Variants in PLN observed in about 807,000 individuals in gnomAD.
The protein encoded by PLN is cardiac phospholamban.
Under a neutral mutation model 3.9 loss-of-function variants are expected in PLN, and 1 was observed. That is an observed-to-expected ratio of 0.26 (90% CI 0.09 to 1.23). The LOEUF is 1.23. PLN is among the 50% of genes most tolerant of loss of function. The probability of loss-of-function intolerance (pLI) is 0.48; values close to 1 mark genes in which losing one functional copy is unlikely to be tolerated. For missense variants in PLN, 59 were observed against 62.7 expected (o/e 0.94, Z 0.20); for synonymous variants, 21 against 20.5 (o/e 1.02, Z -0.07).
Position 118,558,947 on chromosome 6 carries a change from G to A in PLN, c.26G>A (p.Arg9His), listed in dbSNP as rs754782171. ...ATGGAGAAAGTCCAATACCTCACTC[G>A]CTCAGCTATAAGAAGAGCCTCAACC... MEKVQYLT[R>H]SAIRRASTIE... Residue 9 changes from arginine to histidine, a missense_variant, in exon 2 of 2, where the codon CGC (arginine) becomes CAC (histidine). By Grantham distance (29) the Arg-to-His change is conservative. Coordinates refer to ENST00000357525, the MANE Select transcript of PLN (RefSeq NM_002667.5). The A allele has an allele frequency of 7.4e-6, 12 of 1,613,690 alleles. No individual in the cohort carries two copies. The highest frequency in any genetic ancestry group is 1.7e-5 in the Admixed American group (1 of 60,012).
Position 118,559,308 on chromosome 6 carries a change from G to C in PLN, c.*228G>C. Reference sequence around the variant, plus strand: ...TTTTCAAAAATTAACTTCAAAATAAGTGTATAAAATGCAACTGTTGATTTC... The same window carrying C: ...TTTTCAAAAATTAACTTCAAAATAACTGTATAAAATGCAACTGTTGATTTC... On this transcript the variant is annotated 3_prime_UTR_variant, in exon 2 of 2. Transcript: ENST00000357525. 2 of 528,108 alleles carry C rather than the reference G, an allele frequency of 3.8e-6. No individual in the cohort carries two copies. The highest frequency in any genetic ancestry group is 4.2e-5 in the South Asian group (2 of 47,698). 32.7% of individuals were successfully genotyped at this position (528,108 alleles called of 1,614,324 possible).
intron 1 of PLN, among the ~76,000 whole-genome samples, chr6:118,553,673 AAC>A (rs1356286290): frequency 6.6e-6 from 1 of 152,214 alleles, no homozygotes; most frequent in African/African-American, 2.4e-5. Flanking sequence ...TGTTTCCAGA[AAC>A]AAACTCTTCT....
chr6:118,558,969 A>C lies in PLN; in HGVS notation c.48A>C (p.Ser16=). 6.2e-7 allele frequency: 1 copy of C among 1,613,334 alleles called. No individual in the cohort carries two copies. The change falls in exon 2 of 2, where the codon TCA becomes TCC. Residue 16 remains serine, a synonymous_variant. Transcript: ENST00000357525. ...CTCGCTCAGCTATAAGAAGAGCCTC[A>C]ACCATTGAAATGCCTCAACAAGCAC... ...YLTRSAIRRA[S]TIEMPQQARQ... is the part of the protein sequence containing the mutation.
At position 118,560,639 on chromosome 6, in the gene PLN, A is replaced by G. The variant is rs1365887249; in HGVS notation, c.*1559A>G. Reference sequence around the variant, plus strand: ...GCTATTTTTCTTCCTCTATCAACCAAATGGTAAGCATCTATTTTGCAGTCC... The same window carrying G: ...GCTATTTTTCTTCCTCTATCAACCAGATGGTAAGCATCTATTTTGCAGTCC... On this transcript the variant is annotated 3_prime_UTR_variant, in exon 2 of 2. Coordinates refer to ENST00000357525, the MANE Select transcript of PLN (RefSeq NM_002667.5). 1 of 166,984 alleles carries G rather than the reference A, an allele frequency of 6.0e-6. No individual in the cohort carries two copies. Among genetic ancestry groups the G allele is most frequent in the Non-Finnish European group, 1.5e-5 (1 of 68,102 alleles). The allele number at this position is 166,984 out of a possible 1,614,324, so 10.3% of individuals were successfully genotyped here.
At chr6:118,550,043 TA>T (rs545006735) in intron 1 of PLN, among the ~76,000 whole-genome samples, 2 of 151,802 alleles carry the variant, frequency 1.3e-5, no homozygotes, top group African/African-American at 4.8e-5. Flanking sequence ...AAGTAAGTGC[TA>T]AAAAAAGTGT....
At position 118,554,273 on chromosome 6, in the gene PLN, C is replaced by T. The variant is rs549654276; in HGVS notation, c.-97-4552C>T. 2.0e-4 allele frequency among the ~76,000 whole-genome samples: 31 copies of T among 152,154 alleles called. No individual in the cohort carries two copies. In the South Asian group the frequency reaches 6.4e-3, roughly 32 times the overall value. The stretch of plus-strand genomic sequence containing the variant: ...CTGCACTCCAGCCTGGGTGACAGAG[C>T]AAGACCCTGTCAGTCATTCATTCAT... On this transcript the variant is annotated intron_variant, in intron 1 of 1. Coordinates refer to ENST00000357525, the MANE Select transcript of PLN (RefSeq NM_002667.5).
At chr6:118,555,500 AATAAGCAAATATCAAC>A (rs376314551) in intron 1 of PLN, among the ~76,000 whole-genome samples, 17 of 152,290 alleles carry the variant, frequency 1.1e-4, no homozygotes, top group Non-Finnish European at 1.9e-4. Context: ...CTAGATCTAC[AATAAGCAAATATCAAC>A]ATAAGCAAAT....
At chr6:118,555,025 C>G (rs1004095603) in intron 1 of PLN, among the ~76,000 whole-genome samples, 2 of 152,122 alleles carry the variant, frequency 1.3e-5, no homozygotes, top group African/African-American at 4.8e-5. Flanking sequence ...AATTTCTGAC[C>G]TTTTAAGACC....
Position 118,548,992 on chromosome 6 carries a change from TAACA to T in PLN, c.-98+605_-98+608del, listed in dbSNP as rs1184463788. ...TCCCCTCTAAAGTCCAGTCAACTTTTAACAAACATTTCTAAAAAAATTCCATGCT... is the reference window on the plus strand; with the variant it reads ...TCCCCTCTAAAGTCCAGTCAACTTTTAACATTTCTAAAAAAATTCCATGCT... On this transcript the variant is annotated intron_variant, in intron 1 of 1. Coordinates refer to ENST00000357525, the MANE Select transcript of PLN (RefSeq NM_002667.5). 3.9e-5 allele frequency among the ~76,000 whole-genome samples: 6 copies of T among 152,100 alleles called. No individual in the cohort carries two copies. In the East Asian group the frequency reaches 1.2e-3, roughly 29 times the overall value.
chr6:118,551,056 T>C (rs754152241), intron 1 of PLN, among the ~76,000 whole-genome samples: 1 of 151,880 alleles, frequency 6.6e-6, no homozygotes, highest in Non-Finnish European at 1.5e-5. Flanking sequence ...AAAATACTCA[T>C]GCCTTCAATT....
Position 118,561,079 on chromosome 6 carries a change from A to G in PLN, c.*1999A>G, listed in dbSNP as rs1249985432. 6.6e-6 allele frequency among the ~76,000 whole-genome samples: 1 copy of G among 152,146 alleles called. No homozygotes were observed. The highest frequency in any genetic ancestry group is 2.4e-5 in the African/African-American group (1 of 41,442). On this transcript the variant is annotated 3_prime_UTR_variant, in exon 2 of 2. Transcript: ENST00000357525. ...AAGGAGACACTATTAAATTTTCTGA[A>G]CCCATGAGAGATACTAGAGATGGGG...
chr6:118,555,747 T>C (rs1778824860), intron 1 of PLN, among the ~76,000 whole-genome samples: 1 of 152,128 alleles, frequency 6.6e-6, no homozygotes, highest in African/African-American at 2.4e-5. Context: ...TATTACTTCA[T>C]CATCCCGTTA....
chr6:118,558,955 A>G lies in PLN; in HGVS notation c.34A>G (p.Ile12Val), dbSNP rs749571694. 40 of 1,613,496 alleles carry G rather than the reference A, an allele frequency of 2.5e-5. No individual in the cohort carries two copies. Among genetic ancestry groups the G allele is most frequent in the Middle Eastern group, 1.6e-4 (1 of 6,082 alleles). Residue 12 changes from isoleucine to valine, a missense_variant, in exon 2 of 2, where the codon ATA (isoleucine) becomes GTA (valine). Transcript: ENST00000357525. The part of the protein sequence containing the change: ...EKVQYLTRSA[I>V]RRASTIEMPQ... ...AGTCCAATACCTCACTCGCTCAGCT[A>G]TAAGAAGAGCCTCAACCATTGAAAT... is the stretch of plus-strand genomic sequence containing the variant.
chr6:118,551,785 A>C (rs1214476806), intron 1 of PLN, among the ~76,000 whole-genome samples: 1 of 152,024 alleles, frequency 6.6e-6, no homozygotes, highest in East Asian at 1.9e-4. Flanking sequence ...GTCTGGACCA[A>C]CAAAGCTCTG....
rs779465346 is a variant in PLN, at chr6:118,560,961, T to A, written c.*1881T>A. ...TATTAAAAGAGTAGAGGATGTGTAA[T>A]TAACCATATCTTCTAAAACATGGTT... is the stretch of plus-strand genomic sequence containing the variant. On this transcript the variant is annotated 3_prime_UTR_variant, in exon 2 of 2. Coordinates refer to ENST00000357525, the MANE Select transcript of PLN (RefSeq NM_002667.5). Among the ~76,000 whole-genome samples the A allele has an allele frequency of 9.9e-5, 15 of 152,226 alleles. No homozygotes were observed. The highest frequency in any genetic ancestry group is 2.1e-4 in the Non-Finnish European group (14 of 68,028).
At chr6:118,555,383 G>C (rs1187861900) in intron 1 of PLN, among the ~76,000 whole-genome samples, 1 of 146,676 alleles carries the variant, frequency 6.8e-6, no homozygotes, top group Non-Finnish European at 1.5e-5. Flanking sequence ...AGCCGAGATC[G>C]TGCCACTGCA....
Position 118,558,883 on chromosome 6 carries a change from G to T in PLN, c.-39G>T. On this transcript the variant is annotated 5_prime_UTR_variant, in exon 2 of 2. Transcript: ENST00000357525. Reference sequence around the variant, plus strand: ...GCTGCCAGCTTTTTATCTTTCTCTCGACCACTTAAAACTTCAGACTTCCTG... The same window carrying T: ...GCTGCCAGCTTTTTATCTTTCTCTCTACCACTTAAAACTTCAGACTTCCTG... The T allele has an allele frequency of 6.4e-7, 1 of 1,560,924 alleles. No individual in the cohort carries two copies. Among genetic ancestry groups the T allele is most frequent in the South Asian group, 1.1e-5 (1 of 89,764 alleles).
At chr6:118,555,729 G>T (rs1311284647) in intron 1 of PLN, among the ~76,000 whole-genome samples, 1 of 152,118 alleles carries the variant, frequency 6.6e-6, no homozygotes, top group Admixed American at 6.6e-5. Flanking sequence ...TGGGGAGCTT[G>T]TTGTATGTAT....
At chr6:118,557,180 A>G (rs1778928469) in intron 1 of PLN, among the ~76,000 whole-genome samples, 1 of 152,216 alleles carries the variant, frequency 6.6e-6, no homozygotes, top group Admixed American at 6.5e-5. Flanking sequence ...ATTTGAATCT[A>G]TATTTTTGGT....
Sources: gnomAD v4.1 joint callset for allele counts (sites outside exome capture counted in the v4.1 genomes callset) on GRCh38, gnomAD v4.1.1 for gene constraint, MANE v1.5 for transcripts, NCBI Gene and HGNC (gene_info 2026-07-23, HGNC 2026-07-21) for gene names.